NRXN3: variants seen among roughly 807,000 people sequenced by gnomAD.
NRXN3 encodes the protein neurexin III.
A neutral mutation model predicts 137.6 loss-of-function variants in NRXN3; 32 were observed. That is an observed-to-expected ratio of 0.23 (90% CI 0.18 to 0.31). The LOEUF (loss-of-function observed/expected upper bound fraction) is 0.31, where lower values mean the gene tolerates loss of function less well. Among genes scored for constraint, NRXN3 ranks in the 10% least tolerant of loss-of-function variants. The pLI, the probability that NRXN3 is intolerant of heterozygous loss-of-function variation, is 1.00. For synonymous variants in NRXN3, 798 were observed against 784.5 expected (o/e 1.02, Z -0.29); for missense variants, 1,574 against 2,062.5 (o/e 0.76, Z 4.59).
At chr14:79,534,468 C>G (rs1021220592) in intron 16 of NRXN3, among the ~76,000 whole-genome samples, 1 of 152,072 alleles carries the variant, frequency 6.6e-6, no homozygotes, top group East Asian at 1.9e-4. Context: ...AACAAATAAA[C>G]GAATGTTCGA....
chr14:79,617,672 C>T (rs978764859), intron 16 of NRXN3, among the ~76,000 whole-genome samples: 3 of 151,910 alleles, frequency 2.0e-5, no homozygotes, highest in South Asian at 2.1e-4. Flanking sequence ...CTTTCCCTAA[C>T]GAGAATGTGA....
chr14:78,491,388 G>T (rs11622820), intron 4 of NRXN3, among the ~76,000 whole-genome samples: 54,039 of 151,996 alleles, frequency 0.36, 10,202 homozygotes, highest in Admixed American at 0.42. Flanking sequence ...TGGGGCAGGG[G>T]ATGCGCTCTT....
chr14:78,856,618 A>T (rs1444220878), intron 10 of NRXN3, among the ~76,000 whole-genome samples: 8 of 152,192 alleles, frequency 5.3e-5, no homozygotes, highest in Admixed American at 5.2e-4. Context: ...AATTAAAAAA[A>T]AGCTAATGTA....
intron 6 of NRXN3, among the ~76,000 whole-genome samples, chr14:78,693,497 G>T (rs76887560): frequency 6.6e-6 from 1 of 151,896 alleles, no homozygotes; most frequent in East Asian, 1.9e-4. Context: ...TTTGGTATGA[G>T]CCAGTTTTAT....
chr14:78,258,044 C>A (rs77715222), intron 2 of NRXN3, among the ~76,000 whole-genome samples: 1,580 of 152,250 alleles, frequency 0.01, 31 homozygotes, highest in African/African-American at 0.036. Context: ...TACTAAACTG[C>A]AAATTTGGGC....
chr14:79,404,041 C>T (rs747108532), intron 15 of NRXN3, among the ~76,000 whole-genome samples: 27 of 152,056 alleles, frequency 1.8e-4, no homozygotes, highest in Non-Finnish European at 3.5e-4. Context: ...GCCATAGGCA[C>T]GGACAAAGAG....
intron 8 of NRXN3, among the ~76,000 whole-genome samples, chr14:78,742,127 C>T (rs1237362164): frequency 1.3e-5 from 2 of 152,154 alleles, no homozygotes; most frequent in African/African-American, 2.4e-5. Context: ...GCTGGCTTCC[C>T]ACGGAAACTA....
chr14:78,380,306 T>TC (rs1351396673), intron 4 of NRXN3, among the ~76,000 whole-genome samples: 1 of 4,668 alleles, frequency 2.1e-4, no homozygotes, highest in East Asian at 3.8e-3. Context: ...AGACTCCGTC[T>TC]CAAAAAAAAA....
intron 15 of NRXN3, among the ~76,000 whole-genome samples, chr14:79,068,540 A>C (rs147668458): frequency 4.8e-4 from 73 of 152,248 alleles, no homozygotes; most frequent in Middle Eastern, 6.8e-3. Context: ...AATGGGAAGT[A>C]TAAATTTGAT....
intron 17 of NRXN3, among the ~76,000 whole-genome samples, chr14:79,676,634 T>C (rs1316210156): frequency 6.6e-6 from 1 of 151,992 alleles, no homozygotes; most frequent in Non-Finnish European, 1.5e-5. Flanking sequence ...CTGTATGAGA[T>C]GATGGGCATG....
At chr14:79,598,904 G>A (rs965100584) in intron 16 of NRXN3, among the ~76,000 whole-genome samples, 18 of 152,170 alleles carry the variant, frequency 1.2e-4, no homozygotes, top group African/African-American at 4.3e-4. Flanking sequence ...AGAAGAGGTG[G>A]CCCTGGGATG....
chr14:78,633,257 A>AAAAAAAAG, intron 4 of NRXN3, among the ~76,000 whole-genome samples: 1 of 150,718 alleles, frequency 6.6e-6, no homozygotes, highest in African/African-American at 2.4e-5. Flanking sequence ...CTGTCAAAAA[A>AAAAAAAAG]AAAAAAAAAA....
rs79676090 is a variant in NRXN3, at chr14:79,283,267, T to C, written c.3263-183954T>C. Among the ~76,000 whole-genome samples, 758 of 152,274 alleles carry C rather than the reference T, an allele frequency of 5.0e-3. 9 individuals are homozygous for C. Among genetic ancestry groups the C allele is most frequent in the African/African-American group, 0.018 (741 of 41,554 alleles). On this transcript the variant is annotated intron_variant, in intron 15 of 20. Coordinates refer to ENST00000335750, the MANE Select transcript of NRXN3 (RefSeq NM_001330195.2). ...CCTTGATTTTGGTATGAAAGAAAAC[T>C]AGAGCCTTGAGTCCAAGAATCTTCT...
chr14:78,625,167 A>T (rs1441491188), intron 4 of NRXN3, among the ~76,000 whole-genome samples: 1 of 152,216 alleles, frequency 6.6e-6, no homozygotes, highest in Non-Finnish European at 1.5e-5. Flanking sequence ...AAATGAGGGC[A>T]TTTGACTAGG....
intron 15 of NRXN3, among the ~76,000 whole-genome samples, chr14:79,116,865 G>A (rs765349439): frequency 5.9e-5 from 9 of 152,106 alleles, no homozygotes; most frequent in Non-Finnish European, 8.8e-5. Context: ...ATAAGAGTTT[G>A]GAAAGGTAGT....
intron 15 of NRXN3, among the ~76,000 whole-genome samples, chr14:79,369,503 A>G (rs2094014623): frequency 6.6e-6 from 1 of 152,228 alleles, no homozygotes; most frequent in Non-Finnish European, 1.5e-5. Flanking sequence ...ACAGAAAGGC[A>G]AAGGTTTGAT....
chr14:78,377,709 G>C (rs936177912), intron 4 of NRXN3, among the ~76,000 whole-genome samples: 3 of 152,126 alleles, frequency 2.0e-5, no homozygotes, highest in Non-Finnish European at 4.4e-5. Flanking sequence ...TCCTCACCTG[G>C]CCTTTCCTTG....
chr14:78,353,585 G>C lies in NRXN3; in HGVS notation c.757+55725G>C, dbSNP rs1597673402. The stretch of plus-strand genomic sequence containing the variant: ...TCAGGTTTCAACACATGAATTTTGG[G>C]GGAACACAAACATTTAGACCCTGAG... On this transcript the variant is annotated intron_variant, in intron 4 of 20. Transcript: ENST00000335750. Among the ~76,000 whole-genome samples the C allele has an allele frequency of 2.0e-5, 3 of 152,108 alleles. No individual in the cohort carries two copies. In the South Asian group the frequency reaches 6.3e-4, roughly 32 times the overall value.
At chr14:78,482,476 C>A (rs1406331789) in intron 4 of NRXN3, among the ~76,000 whole-genome samples, 2 of 152,052 alleles carry the variant, frequency 1.3e-5, no homozygotes, top group African/African-American at 4.8e-5. Context: ...CTAGACCCTC[C>A]TCTCTCTCTC....
Sources: allele counts gnomAD v4.1 joint callset (sites outside exome capture counted in the v4.1 genomes callset), GRCh38; gene constraint gnomAD v4.1.1; transcripts MANE v1.5; gene names NCBI Gene and HGNC (gene_info 2026-07-23, HGNC 2026-07-21).